The following DOK6 variants were observed in gnomAD, a reference collection of about 807,000 sequenced individuals.
DOK6 encodes the protein downstream of tyrosine kinase 6.
In DOK6, 22 loss-of-function variants were observed where a neutral mutation model predicts 44.0. The ratio of observed to expected loss-of-function variants is 0.50; its 90% CI spans 0.36 to 0.71. The LOEUF is 0.71. Ranked by LOEUF, DOK6 falls within the 30% of genes least tolerant of loss-of-function variation. The pLI, the probability that DOK6 is intolerant of heterozygous loss-of-function variation, is 0.00. For missense variants in DOK6, 340 were observed against 416.4 expected (o/e 0.82, Z 1.60); for synonymous variants, 166 against 145.5 (o/e 1.14, Z -1.01).
chr18:69,625,503 TC>T (rs1398835804), intron 3 of DOK6, among the ~76,000 whole-genome samples: 1 of 152,200 alleles, frequency 6.6e-6, no homozygotes, highest in Non-Finnish European at 1.5e-5. Flanking sequence ...ATACATCATG[TC>T]TATTATTGGT....
intron 7 of DOK6, among the ~76,000 whole-genome samples, chr18:69,830,065 C>T (rs559299183): frequency 6.8e-4 from 104 of 152,104 alleles, no homozygotes; most frequent in African/African-American, 2.2e-3. Flanking sequence ...TATATAATTT[C>T]ACAAACAAGT....
intron 1 of DOK6, among the ~76,000 whole-genome samples, chr18:69,418,552 C>A (rs1432283786): frequency 6.6e-6 from 1 of 152,082 alleles, no homozygotes; most frequent in African/African-American, 2.4e-5. Flanking sequence ...ACCTTGAATT[C>A]CTGGACTCAG....
chr18:69,668,642 T>C (rs1393700767), intron 3 of DOK6, among the ~76,000 whole-genome samples: 4 of 152,170 alleles, frequency 2.6e-5, no homozygotes, highest in Admixed American at 2.6e-4. Context: ...TCTGCAGTAG[T>C]TCTCTATGGA....
chr18:69,535,613 A>G (rs1982102935), intron 1 of DOK6, among the ~76,000 whole-genome samples: 1 of 151,980 alleles, frequency 6.6e-6, no homozygotes, highest in African/African-American at 2.4e-5. Context: ...TCATGTATAT[A>G]TATGATAATG....
chr18:69,749,887 G>A (rs1195649198), intron 6 of DOK6, among the ~76,000 whole-genome samples: 1 of 150,090 alleles, frequency 6.7e-6, no homozygotes, highest in Non-Finnish European at 1.5e-5. Context: ...GTTGCAGTGA[G>A]CCACCAAGAC....
chr18:69,423,251 G>A (rs781643589), intron 1 of DOK6, among the ~76,000 whole-genome samples: 3 of 152,150 alleles, frequency 2.0e-5, no homozygotes, highest in Non-Finnish European at 2.9e-5. Flanking sequence ...GTAGTGAGCT[G>A]CGATCATGCC....
intron 1 of DOK6, among the ~76,000 whole-genome samples, chr18:69,452,028 CA>C (rs1979482870): frequency 6.7e-6 from 1 of 149,180 alleles, no homozygotes. Flanking sequence ...CAAACACATT[CA>C]AAAGCTAGCA....
chr18:69,428,319 G>T (rs933130382), intron 1 of DOK6, among the ~76,000 whole-genome samples: 3 of 152,036 alleles, frequency 2.0e-5, no homozygotes, highest in Non-Finnish European at 4.4e-5. Flanking sequence ...TAAAGGAAGT[G>T]TATTTAAAAT....
chr18:69,779,764 A>T (rs1231243618), intron 7 of DOK6, among the ~76,000 whole-genome samples: 1 of 151,710 alleles, frequency 6.6e-6, no homozygotes, highest in East Asian at 1.9e-4. Flanking sequence ...ACTGTATCAT[A>T]GTCCATTCAA....
chr18:69,504,049 T>C (rs1890990693), intron 1 of DOK6, among the ~76,000 whole-genome samples: 1 of 151,994 alleles, frequency 6.6e-6, no homozygotes. Flanking sequence ...CGATGGAAAA[T>C]TATAATACTG....
chr18:69,410,355 T>C (rs1165675184), intron 1 of DOK6, among the ~76,000 whole-genome samples: 4 of 152,234 alleles, frequency 2.6e-5, no homozygotes, highest in Admixed American at 2.6e-4. Context: ...TTCCCTCAAG[T>C]GCTTTTAATG....
intron 3 of DOK6, among the ~76,000 whole-genome samples, chr18:69,657,920 T>G (rs1481329621): frequency 1.3e-5 from 2 of 151,726 alleles, no homozygotes; most frequent in African/African-American, 4.8e-5. Flanking sequence ...TTTGGGTGGG[T>G]TTTTGTTGTT....
At chr18:69,747,935 C>T (rs1311726710) in intron 6 of DOK6, among the ~76,000 whole-genome samples, 1 of 152,120 alleles carries the variant, frequency 6.6e-6, no homozygotes, top group Non-Finnish European at 1.5e-5. Context: ...GACATAATGT[C>T]ACACCTACCA....
At chr18:69,840,622 T>G (rs965807555) in intron 7 of DOK6, among the ~76,000 whole-genome samples, 3 of 152,244 alleles carry the variant, frequency 2.0e-5, no homozygotes, top group Admixed American at 6.5e-5. Context: ...GAATTTAACT[T>G]TTGGCCATTT....
At chr18:69,705,099 G>T (rs1986605465) in intron 5 of DOK6, 1 of 152,192 alleles carries the variant, frequency 6.6e-6, no homozygotes, top group Admixed American at 6.5e-5. Flanking sequence ...CCTCCAGGAG[G>T]ATTTTCCTTT....
At chr18:69,840,526 G>C (rs1044607708) in intron 7 of DOK6, among the ~76,000 whole-genome samples, 1 of 152,310 alleles carries the variant, frequency 6.6e-6, no homozygotes, top group East Asian at 1.9e-4. Flanking sequence ...TTCTGTTTTC[G>C]GTTTGCGATA....
At chr18:69,812,479 C>G (rs115065526) in intron 7 of DOK6, among the ~76,000 whole-genome samples, 7 of 152,058 alleles carry the variant, frequency 4.6e-5, no homozygotes, top group African/African-American at 1.7e-4. Context: ...TGGCAACAAA[C>G]GGGCTGCTGT....
chr18:69,617,266 G>T (rs897758417), intron 3 of DOK6, among the ~76,000 whole-genome samples: 1 of 151,830 alleles, frequency 6.6e-6, no homozygotes, highest in East Asian at 1.9e-4. Context: ...GCTGCTGTGA[G>T]CTGTGATTGT....
intron 1 of DOK6, among the ~76,000 whole-genome samples, chr18:69,527,049 T>A (rs895834522): frequency 1.7e-4 from 26 of 152,198 alleles, no homozygotes; most frequent in African/African-American, 6.0e-4. Context: ...GCTTGTTTAA[T>A]CCCAGTACAC....
Sources: allele counts gnomAD v4.1 joint callset (sites outside exome capture counted in the v4.1 genomes callset), GRCh38; gene constraint gnomAD v4.1.1; transcripts MANE v1.5; gene names NCBI Gene and HGNC (gene_info 2026-07-23, HGNC 2026-07-21).